Variants in RERE observed in about 807,000 individuals in gnomAD.
The protein encoded by RERE is arginine-glutamic acid dipeptide repeats.
Under a neutral mutation model 146.1 loss-of-function variants are expected in RERE, and 40 were observed. The observed-to-expected ratio is 0.27, with a 90% confidence interval of 0.21 to 0.36. The LOEUF (loss-of-function observed/expected upper bound fraction) is 0.36. Ranked by LOEUF, RERE falls within the 10% of genes least tolerant of loss-of-function variation. The pLI is 1.00. For synonymous variants in RERE, 1,003 were observed against 866.0 expected, an observed-to-expected ratio of 1.16 and a Z score of -2.78; for missense variants, 1,933 against 2,138.7, an observed-to-expected ratio of 0.90 and a Z score of 1.90.
intron 1 of RERE, among the ~76,000 whole-genome samples, chr1:8,737,809 C>T (rs1408309918): frequency 6.6e-6 from 1 of 152,160 alleles, no homozygotes; most frequent in Non-Finnish European, 1.5e-5. Flanking sequence ...CAACTTTCCC[C>T]TCTTAAAGAT....
At chr1:8,502,999 CT>C (rs1356465440) in intron 8 of RERE, among the ~76,000 whole-genome samples, 12 of 150,484 alleles carry the variant, frequency 8.0e-5, no homozygotes, top group African/African-American at 2.9e-4. Flanking sequence ...CCTTTGTTCA[CT>C]TGTTTATCTG....
intron 2 of RERE, among the ~76,000 whole-genome samples, chr1:8,653,231 C>T (rs1486134155): frequency 1.3e-5 from 2 of 152,148 alleles, no homozygotes; most frequent in Non-Finnish European, 2.9e-5. Context: ...AATGTCCCCA[C>T]TGACACCAGA....
chr1:8,369,028 T>G (rs1274811570), intron 12 of RERE, among the ~76,000 whole-genome samples: 2 of 152,036 alleles, frequency 1.3e-5, no homozygotes, highest in East Asian at 1.9e-4. Context: ...AGGCCCAATC[T>G]CTACAAAAAA....
intron 10 of RERE, among the ~76,000 whole-genome samples, chr1:8,480,128 G>GTTTTTTTTTTTTTTTTTTTTTTT (rs112068785): frequency 1.5e-5 from 2 of 135,224 alleles, no homozygotes; most frequent in African/African-American, 2.7e-5. Context: ...GCCTTTTTTT[G>GTTTTTTTTTTTTTTTTTTTTTTT]TTTTTTTTTT....
intron 4 of RERE, among the ~76,000 whole-genome samples, chr1:8,567,893 A>C (rs1299751179): frequency 1.3e-5 from 2 of 152,198 alleles, no homozygotes; most frequent in African/African-American, 4.8e-5. Flanking sequence ...TAGCAAACTA[A>C]AGAGCACTTC....
intron 1 of RERE, among the ~76,000 whole-genome samples, chr1:8,792,152 TA>T (rs1641375603): frequency 6.6e-6 from 1 of 152,198 alleles, no homozygotes; most frequent in African/African-American, 2.4e-5. Flanking sequence ...CTTCTTCACT[TA>T]ATGAAGCCCA....
intron 10 of RERE, among the ~76,000 whole-genome samples, chr1:8,480,577 A>G (rs1233394462): frequency 1.3e-5 from 2 of 151,456 alleles, no homozygotes; most frequent in Non-Finnish European, 2.9e-5. Context: ...CTGGAATTAC[A>G]GGCATGCACC....
chr1:8,796,000 A>AAAAC lies in RERE; in HGVS notation c.-145+21156_-145+21159dup, dbSNP rs1557548104. 2.9e-5 allele frequency among the ~76,000 whole-genome samples: 3 copies of AAAAC among 104,780 alleles called. 1 individual carries two copies. Among genetic ancestry groups the AAAAC allele is most frequent in the Admixed American group, 1.1e-4 (1 of 9,304 alleles). 68.7% of individuals were successfully genotyped at this position (104,780 alleles called of 152,430 possible). A position where few individuals can be genotyped will look rare whatever the true frequency, so the allele number is the denominator to read the frequency against. ...TCCGTCTCAAAAAAAAAAAAAAAACAAAACAAAACAGGAATTATGTAGCAT... is the reference window on the plus strand; with the variant it reads ...TCCGTCTCAAAAAAAAAAAAAAAACAAAACAAACAAAACAGGAATTATGTAGCAT... On this transcript the variant is annotated intron_variant, in intron 1 of 22. Coordinates refer to ENST00000400908, the MANE Select transcript of RERE (RefSeq NM_001042681.2).
chr1:8,561,850 C>T (rs529971424), intron 4 of RERE, among the ~76,000 whole-genome samples: 56 of 152,322 alleles, frequency 3.7e-4, no homozygotes, highest in Admixed American at 6.5e-4. Flanking sequence ...TCCTACTACT[C>T]ACTAGTTGAA....
chr1:8,617,274 C>T (rs920594698), intron 3 of RERE, among the ~76,000 whole-genome samples: 4 of 136,844 alleles, frequency 2.9e-5, no homozygotes, highest in African/African-American at 5.6e-5. Context: ...AACCCAGAGG[C>T]GGAGGCTGGA....
intron 1 of RERE, among the ~76,000 whole-genome samples, chr1:8,798,061 C>G (rs1405112008): frequency 2.0e-5 from 3 of 152,112 alleles, no homozygotes. Flanking sequence ...GAGTTTGAAA[C>G]CAACCTGGGA....
intron 1 of RERE, among the ~76,000 whole-genome samples, chr1:8,664,147 C>T (rs777324638): frequency 1.1e-4 from 16 of 152,194 alleles, no homozygotes; most frequent in Non-Finnish European, 1.9e-4. Context: ...CAAGCAATTT[C>T]CTCTCTGCAG....
intron 1 of RERE, among the ~76,000 whole-genome samples, chr1:8,734,237 T>TTAAAGAAC (rs1640149995): frequency 6.6e-6 from 1 of 152,190 alleles, no homozygotes; most frequent in South Asian, 2.1e-4. Flanking sequence ...GAAGATCAAT[T>TTAAAGAAC]TAAAGAACTC....
intron 1 of RERE, among the ~76,000 whole-genome samples, chr1:8,710,267 G>A (rs1482756998): frequency 6.6e-6 from 1 of 152,156 alleles, no homozygotes; most frequent in African/African-American, 2.4e-5. Context: ...GTCCTGGGGG[G>A]ACTGTTGCAA....
intron 12 of RERE, among the ~76,000 whole-genome samples, chr1:8,407,121 A>G (rs778136206): frequency 6.6e-5 from 10 of 152,240 alleles, no homozygotes; most frequent in Non-Finnish European, 1.2e-4. Flanking sequence ...TCTGTGGTAC[A>G]GGCTCTCTCA....
At chr1:8,541,188 T>A (rs1645796131) in intron 7 of RERE, 26 bp downstream of exon 7, 3 of 1,260,160 alleles carry the variant, frequency 2.4e-6, no homozygotes, top group Non-Finnish European at 3.5e-6. Flanking sequence ...GAGTTCTCAA[T>A]GAATGGACAC....
At chr1:8,689,758 G>A (rs1200201321) in intron 1 of RERE, among the ~76,000 whole-genome samples, 1 of 149,850 alleles carries the variant, frequency 6.7e-6, no homozygotes, top group Non-Finnish European at 1.5e-5. Flanking sequence ...CCCATCGAAG[G>A]AGCAATGGAT....
chr1:8,546,510 C>A (rs763059655), intron 6 of RERE, among the ~76,000 whole-genome samples: 2 of 151,760 alleles, frequency 1.3e-5, no homozygotes, highest in Non-Finnish European at 2.9e-5. Flanking sequence ...TGGCAAGATA[C>A]ACAAATCAAT....
At position 8,360,636 on chromosome 1, in the gene RERE, G is replaced by A. The variant is rs140316471; in HGVS notation, c.2871C>T (p.Phe957=). 560 of 1,517,078 alleles carry A rather than the reference G, an allele frequency of 3.7e-4. 1 individual carries two copies. The highest frequency in any genetic ancestry group is 4.5e-4 in the Non-Finnish European group (514 of 1,134,750). 94.0% of individuals were successfully genotyped at this position (1,517,078 alleles called of 1,614,324 possible). The part of the protein sequence containing the change: ...HPPHLSGPSP[F]SMNANLPPPP... ...GGGGAGGCAGGTTGGCATTCATGGA[G>A]AAGGGTGAGGGCCCCGAGAGGTGGG... Residue 957 remains phenylalanine, a synonymous_variant, in exon 18 of 23, where the codon TTC becomes TTT. Coordinates refer to ENST00000400908, the MANE Select transcript of RERE (RefSeq NM_001042681.2).
Sources: allele counts gnomAD v4.1 joint callset (sites outside exome capture counted in the v4.1 genomes callset), GRCh38; gene constraint gnomAD v4.1.1; transcripts MANE v1.5; gene names NCBI Gene and HGNC (gene_info 2026-07-23, HGNC 2026-07-21).